Variants in SRGAP2 observed in about 807,000 individuals in gnomAD.
SRGAP2 encodes the protein SLIT-ROBO Rho GTPase-activating protein 2.
In SRGAP2, 15 loss-of-function variants were observed where a neutral mutation model predicts 57.2. The observed-to-expected ratio is 0.26, with a 90% CI of 0.18 to 0.40. The LOEUF (loss-of-function observed/expected upper bound fraction) is 0.40. Ranked by LOEUF, SRGAP2 falls within the 10% of genes least tolerant of loss-of-function variation. SRGAP2 has a pLI of 1.00. For synonymous variants in SRGAP2, 249 were observed against 248.0 expected (o/e 1.00, Z -0.04); for missense variants, 520 against 669.6 (o/e 0.78, Z 2.47).
intron 1 of SRGAP2, 107 bp downstream of exon 1, chr1:206,203,757 G>A (rs1263786116): frequency 6.8e-7 from 1 of 1,467,210 alleles, no homozygotes; most frequent in African/African-American, 1.4e-5. Context: ...GATGCTGCTC[G>A]CGGCATCGCC....
chr1:206,451,173 G>T (rs1256242429), intron 19 of SRGAP2, among the ~76,000 whole-genome samples: 6 of 150,738 alleles, frequency 4.0e-5, no homozygotes, highest in Non-Finnish European at 7.4e-5. Flanking sequence ...AGAGCTGGTT[G>T]CCCGGAACCC....
At chr1:206,426,111 C>T (rs1660777714) in intron 13 of SRGAP2, among the ~76,000 whole-genome samples, 1 of 152,110 alleles carries the variant, frequency 6.6e-6, no homozygotes, top group Non-Finnish European at 1.5e-5. Context: ...CCCAACCTCA[C>T]TTCTTGACCC....
chr1:206,298,780 T>C (rs1287629006), intron 2 of SRGAP2, among the ~76,000 whole-genome samples: 6 of 152,214 alleles, frequency 3.9e-5, no homozygotes, highest in Non-Finnish European at 8.8e-5. Context: ...TTAGAGGACA[T>C]TGGATTTTTC....
intron 21 of SRGAP2, chr1:206,458,345 G>A (rs1265307450): frequency 6.5e-5 from 40 of 616,052 alleles, no homozygotes; most frequent in Non-Finnish European, 6.5e-5. Context: ...AGAAACCTTC[G>A]CTTAATCAGA....
intron 4 of SRGAP2, among the ~76,000 whole-genome samples, chr1:206,357,280 C>T (rs1272840105): frequency 2.0e-4 from 29 of 147,746 alleles, no homozygotes; most frequent in Admixed American, 1.2e-3. Flanking sequence ...AAAGTAGTAA[C>T]GTGTTTTTTT....
At chr1:206,354,862 G>A (rs1456089769) in intron 4 of SRGAP2, among the ~76,000 whole-genome samples, 2 of 130,244 alleles carry the variant, frequency 1.5e-5, no homozygotes, top group African/African-American at 3.0e-5. Context: ...CCCTCTCCTT[G>A]TTTCCTCCCT....
intron 15 of SRGAP2, 61 bp from the exon 16 acceptor site, chr1:206,437,903 G>C: frequency 2.6e-6 from 2 of 775,010 alleles, no homozygotes; most frequent in Admixed American, 1.7e-5. Context: ...CCCCACGTTC[G>C]TCCTGTGTGT....
intron 21 of SRGAP2, among the ~76,000 whole-genome samples, chr1:206,456,623 A>G (rs568037052): frequency 2.6e-5 from 4 of 152,344 alleles, no homozygotes; most frequent in Non-Finnish European, 5.9e-5. Context: ...GAAGAAAAAA[A>G]AAGAGTATCT....
intron 3 of SRGAP2, among the ~76,000 whole-genome samples, chr1:206,329,758 C>G (rs1674213845): frequency 6.9e-6 from 1 of 144,736 alleles, no homozygotes; most frequent in South Asian, 2.3e-4. Flanking sequence ...CAAACAGGGA[C>G]AATTTGACTT....
intron 2 of SRGAP2, among the ~76,000 whole-genome samples, chr1:206,221,308 G>C (rs1332557884): frequency 6.6e-6 from 1 of 150,812 alleles, no homozygotes; most frequent in Admixed American, 6.6e-5. Flanking sequence ...CCTTCAAGGA[G>C]CTGCAGTCTA....
At chr1:206,333,115 C>G (rs1674497103) in intron 3 of SRGAP2, among the ~76,000 whole-genome samples, 1 of 144,152 alleles carries the variant, frequency 6.9e-6, no homozygotes, top group Non-Finnish European at 1.5e-5. Flanking sequence ...CCCAGTTAGG[C>G]TGCTCGGGGG....
chr1:206,303,106 A>G (rs1216911098), intron 2 of SRGAP2, among the ~76,000 whole-genome samples, 175 bp from the exon 3 acceptor site: 1 of 128,386 alleles, frequency 7.8e-6, no homozygotes, highest in Non-Finnish European at 1.6e-5. Context: ...AAGGGTTGGC[A>G]TTTTTGGAGG....
chr1:206,312,433 C>T (rs1571825750), intron 3 of SRGAP2, among the ~76,000 whole-genome samples: 4 of 152,240 alleles, frequency 2.6e-5, no homozygotes, highest in African/African-American at 9.6e-5. Context: ...CACCTCCTCC[C>T]CTGGAAGCCA....
intron 11 of SRGAP2, among the ~76,000 whole-genome samples, chr1:206,418,075 A>G (rs546504856): frequency 6.6e-6 from 1 of 151,940 alleles, no homozygotes; most frequent in Admixed American, 6.6e-5. Flanking sequence ...AATTGTCTTA[A>G]TCTAAAGATG....
intron 3 of SRGAP2, among the ~76,000 whole-genome samples, chr1:206,337,983 TCTAATGTCTTCGAAG>T (rs1276508034): frequency 5.9e-5 from 9 of 152,186 alleles, no homozygotes; most frequent in Non-Finnish European, 7.3e-5. Context: ...GAAAAGCTGG[TCTAATGTCTTCGAAG>T]CTAATGATTC....
At chr1:206,426,235 T>A (rs1660788042) in intron 13 of SRGAP2, among the ~76,000 whole-genome samples, 1 of 152,170 alleles carries the variant, frequency 6.6e-6, no homozygotes, top group Non-Finnish European at 1.5e-5. Flanking sequence ...TATTTATCTT[T>A]CTGTGCCTGG....
At chr1:206,360,922 A>G (rs1431202926) in intron 4 of SRGAP2, among the ~76,000 whole-genome samples, 13 of 115,340 alleles carry the variant, frequency 1.1e-4, no homozygotes, top group Non-Finnish European at 2.1e-4. Flanking sequence ...AGCTTTAGAC[A>G]TGGTAAAGGG....
intron 12 of SRGAP2, among the ~76,000 whole-genome samples, chr1:206,420,549 G>A (rs9430095): frequency 6.6e-6 from 1 of 151,898 alleles, no homozygotes; most frequent in Non-Finnish European, 1.5e-5. Context: ...TCAAGGTGTC[G>A]TAGGATTCCA....
chr1:206,244,813 T>G (rs1668445399), intron 2 of SRGAP2, among the ~76,000 whole-genome samples: 1 of 148,172 alleles, frequency 6.7e-6, no homozygotes, highest in Admixed American at 6.6e-5. Flanking sequence ...GAAAAGACAT[T>G]TTTTTTTTTC....
Sources: gnomAD v4.1 joint callset for allele counts (sites outside exome capture counted in the v4.1 genomes callset) on GRCh38, gnomAD v4.1.1 for gene constraint, MANE v1.5 for transcripts, NCBI Gene and HGNC (gene_info 2026-07-23, HGNC 2026-07-21) for gene names.